Variants in EYS observed in about 807,000 individuals in gnomAD.
The protein encoded by EYS is protein eyes shut homolog.
A neutral mutation model predicts 282.1 loss-of-function variants in EYS; 250 were observed. The ratio of observed to expected loss-of-function variants is 0.89; its 90% confidence interval spans 0.80 to 0.98. The LOEUF (loss-of-function observed/expected upper bound fraction) is 0.98. EYS is among the 50% of genes least tolerant of loss of function. The probability of loss-of-function intolerance (pLI) is 0.00; values close to 1 mark genes in which losing one functional copy is unlikely to be tolerated. For synonymous variants in EYS, 1,355 were observed against 1,282.9 expected (o/e 1.06, Z -1.20); for missense variants, 4,016 against 3,709.0 (o/e 1.08, Z -2.15).
intron 28 of EYS, among the ~76,000 whole-genome samples, chr6:64,409,905 A>G (rs1243064272): frequency 6.6e-6 from 1 of 152,136 alleles, no homozygotes; most frequent in Admixed American, 6.6e-5. Context: ...TGGGAGACAA[A>G]AGGAGGGAAA....
intron 22 of EYS, among the ~76,000 whole-genome samples, chr6:64,670,903 C>A (rs957713610): frequency 1.3e-5 from 2 of 151,980 alleles, no homozygotes; most frequent in African/African-American, 2.4e-5. Context: ...CTCCCTCCCC[C>A]ACCCTCCAAT....
At chr6:64,392,740 T>C (rs7743834) in intron 28 of EYS, among the ~76,000 whole-genome samples, 2 of 142,824 alleles carry the variant, frequency 1.4e-5, no homozygotes, top group African/African-American at 5.2e-5. Context: ...GAGCAAACAC[T>C]TTCAAAAGCT....
chr6:64,843,605 C>G (rs1364830436), intron 19 of EYS, among the ~76,000 whole-genome samples: 1 of 152,172 alleles, frequency 6.6e-6, no homozygotes, highest in African/African-American at 2.4e-5. Flanking sequence ...TTTGGAATAG[C>G]TGTCTTTACC....
intron 26 of EYS, among the ~76,000 whole-genome samples, chr6:64,493,322 T>C (rs1485426528): frequency 6.6e-6 from 1 of 151,176 alleles, no homozygotes; most frequent in African/African-American, 2.4e-5. Context: ...CCAGAGCCCA[T>C]AAAAAGGGAA....
chr6:64,294,497 T>C (rs1331655995), intron 30 of EYS, among the ~76,000 whole-genome samples: 7 of 152,176 alleles, frequency 4.6e-5, no homozygotes, highest in Non-Finnish European at 1.0e-4. Context: ...AATAGTAAGG[T>C]AAGACTACAT....
intron 24 of EYS, among the ~76,000 whole-genome samples, chr6:64,607,085 A>C (rs1442585892): frequency 6.6e-6 from 1 of 151,744 alleles, no homozygotes; most frequent in Admixed American, 6.6e-5. Flanking sequence ...GAAGTATAAA[A>C]CCCTGCCGTT....
intron 35 of EYS, among the ~76,000 whole-genome samples, chr6:63,962,421 C>CA (rs1766109156): frequency 6.6e-6 from 1 of 152,004 alleles, no homozygotes; most frequent in African/African-American, 2.4e-5. Context: ...AAGAAAAAAA[C>CA]AAAGAACCCC....
intron 40 of EYS, among the ~76,000 whole-genome samples, chr6:63,767,151 A>G (rs1390891343): frequency 6.6e-6 from 1 of 152,076 alleles, no homozygotes; most frequent in African/African-American, 2.4e-5. Flanking sequence ...AGATCGAACC[A>G]TTCCCCTTGA....
chr6:65,393,114 T>C (rs1044472124), intron 7 of EYS, among the ~76,000 whole-genome samples: 22 of 151,564 alleles, frequency 1.5e-4, no homozygotes, highest in Middle Eastern at 3.4e-3. Context: ...TAGGTGGGAA[T>C]TGAACAATGA....
intron 31 of EYS, among the ~76,000 whole-genome samples, chr6:64,178,052 C>T (rs1764686960): frequency 6.6e-6 from 1 of 152,202 alleles, no homozygotes; most frequent in Middle Eastern, 3.4e-3. Flanking sequence ...GTATTCTTCC[C>T]TAGGTTTGTT....
rs1164052618 is a variant in EYS at position 64,793,061 on chromosome 6, C to A, written c.3443+20317G>T. Among the ~76,000 whole-genome samples, 12 of 152,160 alleles carry A rather than the reference C, an allele frequency of 7.9e-5. No individual in the cohort carries two copies. In the South Asian group the frequency reaches 2.3e-3, roughly 29 times the overall value. On this transcript the variant is annotated intron_variant, in intron 22 of 42. Transcript: ENST00000503581. ...ATTTAGCTAATTAATGAGTCAGAAT[C>A]TCTTCCTACATTTGCATTGTTACTT...
chr6:63,766,070 C>A (rs989504189), intron 40 of EYS, among the ~76,000 whole-genome samples: 1 of 151,922 alleles, frequency 6.6e-6, no homozygotes, highest in Non-Finnish European at 1.5e-5. Context: ...TTAGTGAGAT[C>A]TTAGCATATT....
intron 22 of EYS, among the ~76,000 whole-genome samples, chr6:64,702,997 TAAC>T (rs993586401): frequency 6.6e-6 from 1 of 152,018 alleles, no homozygotes; most frequent in Non-Finnish European, 1.5e-5. Flanking sequence ...CATTGTTAAA[TAAC>T]AATGTGATTA....
intron 32 of EYS, among the ~76,000 whole-genome samples, chr6:64,069,359 G>A (rs1026457905): frequency 6.6e-6 from 1 of 151,494 alleles, no homozygotes; most frequent in Admixed American, 6.6e-5. Flanking sequence ...TTTATTTGTG[G>A]AATATATATA....
At chr6:63,837,585 CTATTTAACTTTCTATTGA>C (rs368380899) in intron 36 of EYS, among the ~76,000 whole-genome samples, 222 of 152,182 alleles carry the variant, frequency 1.5e-3, no homozygotes, top group African/African-American at 5.0e-3. Flanking sequence ...CTAATTTTTT[CTATTTAACTTTCTATTGA>C]AGTATAACAC....
At chr6:65,587,094 GT>G (rs935935307) in intron 2 of EYS, among the ~76,000 whole-genome samples, 3 of 151,966 alleles carry the variant, frequency 2.0e-5, no homozygotes, top group Admixed American at 1.3e-4. Context: ...TTGAGAAGAT[GT>G]TTCTCTAAGC....
At chr6:65,515,368 T>C (rs1256460454) in intron 2 of EYS, among the ~76,000 whole-genome samples, 3 of 152,288 alleles carry the variant, frequency 2.0e-5, no homozygotes, top group Non-Finnish European at 2.9e-5. Context: ...TCAACCATTG[T>C]GGAAGTTGGT....
intron 12 of EYS, among the ~76,000 whole-genome samples, chr6:65,261,044 G>C (rs74819387): frequency 0.018 from 2,782 of 151,990 alleles, 73 homozygotes; most frequent in African/African-American, 0.058. Context: ...GACTTTACTT[G>C]GGGGAACTTT....
chr6:65,483,491 G>A (rs1765676271), intron 5 of EYS, among the ~76,000 whole-genome samples: 1 of 151,882 alleles, frequency 6.6e-6, no homozygotes, highest in African/African-American at 2.4e-5. Context: ...ACGGCATTAG[G>A]AATATTAATT....
Sources: allele counts gnomAD v4.1 joint callset (sites outside exome capture counted in the v4.1 genomes callset), GRCh38; gene constraint gnomAD v4.1.1; transcripts MANE v1.5; gene names NCBI Gene and HGNC (gene_info 2026-07-23, HGNC 2026-07-21).